Variants in CSMD2 observed in about 807,000 individuals in gnomAD.
The protein encoded by CSMD2 is CUB and sushi domain-containing protein 2.
In CSMD2, 130 loss-of-function variants were observed where a neutral mutation model predicts 398.5. The observed-to-expected ratio is 0.33, with a 90% confidence interval of 0.28 to 0.38. The LOEUF (loss-of-function observed/expected upper bound fraction) is 0.38, where lower values mean the gene tolerates loss of function less well. Among genes scored for constraint, CSMD2 ranks in the 10% least tolerant of loss-of-function variants. The probability of loss-of-function intolerance (pLI) is 1.00; values close to 1 mark genes in which losing one functional copy is unlikely to be tolerated. For missense variants in CSMD2, 3,829 were observed against 4,764.9 expected (o/e 0.80, Z 5.78); for synonymous variants, 1,828 against 1,908.5 (o/e 0.96, Z 1.10).
rs1408801295 is a variant in CSMD2, at chr1:33,765,089, CAT to C, written c.1846+7478_1846+7479del. ...AAAGACGGAAGTAGGCGAACAAAAACATGTGTCTGGATATGAGGGCTGTGTAT... is the reference window on the plus strand; with the variant it reads ...AAAGACGGAAGTAGGCGAACAAAAACGTGTCTGGATATGAGGGCTGTGTAT... On this transcript the variant is annotated intron_variant, in intron 13 of 70. Transcript: ENST00000373381. 2.6e-5 allele frequency among the ~76,000 whole-genome samples: 4 copies of C among 152,298 alleles called. No homozygotes were observed. In the East Asian group the frequency reaches 7.7e-4, roughly 29 times the overall value.
Position 33,992,945 on chromosome 1 carries a change from T to C in CSMD2, c.517+39649A>G, listed in dbSNP as rs1363550198. ...CCATAGATCCACCAGGAAGAATGAA[T>C]ATGAATAGAGAAAGAGCTCTAAAGA... On this transcript the variant is annotated intron_variant, in intron 3 of 70. Transcript: ENST00000373381. Among the ~76,000 whole-genome samples the C allele has an allele frequency of 1.3e-5, 2 of 149,472 alleles. 1 individual carries two copies. Among genetic ancestry groups the C allele is most frequent in the Admixed American group, 1.3e-4 (2 of 15,088 alleles).
intron 2 of CSMD2, among the ~76,000 whole-genome samples, chr1:34,075,390 T>C (rs1248397977): frequency 6.6e-6 from 1 of 152,232 alleles, no homozygotes; most frequent in Non-Finnish European, 1.5e-5. Flanking sequence ...TGGGGGCCTC[T>C]GCTGTGATAC....
At chr1:33,547,494 G>A (rs1200329785) in intron 56 of CSMD2, among the ~76,000 whole-genome samples, 2 of 152,230 alleles carry the variant, frequency 1.3e-5, no homozygotes, top group Admixed American at 6.5e-5. Flanking sequence ...CTAGTTGGCT[G>A]GAGCCAATAA....
chr1:34,008,666 T>C (rs1190283803), intron 3 of CSMD2, among the ~76,000 whole-genome samples: 1 of 152,206 alleles, frequency 6.6e-6, no homozygotes, highest in African/African-American at 2.4e-5. Context: ...TCTAATAAAG[T>C]TGGAGCTTTG....
intron 5 of CSMD2, among the ~76,000 whole-genome samples, chr1:33,874,445 T>C (rs920079816): frequency 1.3e-5 from 2 of 152,246 alleles, no homozygotes; most frequent in African/African-American, 4.8e-5. Flanking sequence ...ATGAGAAGCA[T>C]GTTTTTTCTT....
chr1:34,073,198 C>T (rs1163232019), intron 2 of CSMD2, among the ~76,000 whole-genome samples: 2 of 152,236 alleles, frequency 1.3e-5, no homozygotes, highest in Non-Finnish European at 2.9e-5. Context: ...CAGCTCCTAC[C>T]AACAGGTTTG....
intron 7 of CSMD2, among the ~76,000 whole-genome samples, chr1:33,821,701 G>T (rs1031618803): frequency 1.3e-5 from 2 of 152,208 alleles, no homozygotes; most frequent in African/African-American, 2.4e-5. Context: ...ATGGAAATGC[G>T]AAAGGTAGTC....
At chr1:33,759,492 A>AT (rs1649535313) in intron 13 of CSMD2, among the ~76,000 whole-genome samples, 1 of 151,336 alleles carries the variant, frequency 6.6e-6, no homozygotes, top group Non-Finnish European at 1.5e-5. Context: ...TGCCCGGCTA[A>AT]TTTTTTGTAT....
chr1:33,952,147 C>A (rs1360866675), intron 3 of CSMD2, among the ~76,000 whole-genome samples: 1 of 152,172 alleles, frequency 6.6e-6, no homozygotes, highest in Non-Finnish European at 1.5e-5. Flanking sequence ...GACCAAGAGG[C>A]TGTGATGACC....
At position 33,636,291 on chromosome 1, in the gene CSMD2, C is replaced by A; in HGVS notation, c.4969+69G>T. On this transcript the variant is annotated intron_variant, in intron 30 of 70. Transcript: ENST00000373381. This position sits in a 1 kb window ranked among gnomAD's most constrained non-coding sequence, Gnocchi z 4.8. ...ACCTTGCCCCCCTCCCTTCCCCAGC[C>A]CACAGCACCCTCTGCCCCTGGCATG... 1.4e-6 allele frequency: 2 copies of A among 1,462,874 alleles called. No individual in the cohort carries two copies. Among genetic ancestry groups the A allele is most frequent in the Non-Finnish European group, 1.8e-6 (2 of 1,083,788 alleles). The allele number at this position is 1,462,874 out of a possible 1,614,324, so 90.6% of individuals were successfully genotyped here.
intron 39 of CSMD2, 102 bp downstream of exon 39, chr1:33,616,804 A>G: frequency 1.1e-6 from 1 of 879,922 alleles, no homozygotes; most frequent in Non-Finnish European, 1.8e-6. Context: ...CAGAATATCA[A>G]ACTTTCTTCT....
At position 33,583,657 on chromosome 1, in the gene CSMD2, A is replaced by G. The variant is rs1276066531; in HGVS notation, c.7225T>C (p.Phe2409Leu). The change falls in exon 47 of 71, where the codon TTT becomes CTT. Residue 2409 changes from phenylalanine (F) to leucine (L), a missense_variant. Coordinates refer to ENST00000373381, the MANE Select transcript of CSMD2 (RefSeq NM_001281956.2). The part of the protein sequence containing the change: ...YFLSEKQYDE[F>L]EIFDGPSGQS... ...ACTGACTTACCATCAAAAATCTCAAACTCATCATATTGCTTCTCGCTGAGG... is the reference window on the plus strand; with the variant it reads ...ACTGACTTACCATCAAAAATCTCAAGCTCATCATATTGCTTCTCGCTGAGG... 1 of 1,613,938 alleles carries G rather than the reference A, an allele frequency of 6.2e-7. No individual in the cohort carries two copies. The highest frequency in any genetic ancestry group is 1.3e-5 in the African/African-American group (1 of 74,994).
In CSMD2 at chr1:33,519,995, T is replaced by C. The variant is rs1432020657; in HGVS notation, c.10598-45A>G. On this transcript the variant is annotated intron_variant, in intron 68 of 70. Coordinates refer to ENST00000373381, the MANE Select transcript of CSMD2 (RefSeq NM_001281956.2). The surrounding 1 kb of genome is among the most constrained non-coding windows in gnomAD (Gnocchi z 5.6). ...AAAAGTCAAGTCACGAGACACAGTC[T>C]GAGGCTCCGTTGGCTACCCTCCCCG... 2 of 1,608,524 alleles carry C rather than the reference T, an allele frequency of 1.2e-6. No individual in the cohort carries two copies. Among genetic ancestry groups the C allele is most frequent in the Non-Finnish European group, 1.7e-6 (2 of 1,175,896 alleles).
chr1:33,519,062 G>A lies in CSMD2; in HGVS notation c.*53+403C>T, dbSNP rs1654012129. Among the ~76,000 whole-genome samples, 1 of 152,004 alleles carries A rather than the reference G, an allele frequency of 6.6e-6. No individual in the cohort carries two copies. Among genetic ancestry groups the A allele is most frequent in the South Asian group, 2.1e-4 (1 of 4,822 alleles). On this transcript the variant is annotated intron_variant, in intron 70 of 70. Transcript: ENST00000373381. This position sits in a 1 kb window ranked among gnomAD's most constrained non-coding sequence, Gnocchi z 5.6. ...ACCCAGAGGATGTATATATCCAGTT[G>A]GTTCTGTTTCTCTAGAGAGAAACAG...
intron 2 of CSMD2, among the ~76,000 whole-genome samples, chr1:34,087,564 C>G (rs989531395): frequency 2.5e-4 from 38 of 150,792 alleles, no homozygotes; most frequent in Admixed American, 2.3e-3. Flanking sequence ...ACATGTATAC[C>G]TATGTAACAA....
chr1:33,612,716 C>G (rs1159216389), intron 40 of CSMD2, among the ~76,000 whole-genome samples: 1 of 138,450 alleles, frequency 7.2e-6, no homozygotes, highest in African/African-American at 2.7e-5. Flanking sequence ...GAGTCTTGTT[C>G]GGTCGCCCGG....
intron 3 of CSMD2, among the ~76,000 whole-genome samples, chr1:34,002,710 T>C (rs993804525): frequency 1.3e-5 from 2 of 152,154 alleles, no homozygotes; most frequent in Admixed American, 6.5e-5. Flanking sequence ...TCAGGCAGAG[T>C]TGTTGTGAAA....
intron 49 of CSMD2, among the ~76,000 whole-genome samples, chr1:33,575,361 G>A (rs1659973890): frequency 1.3e-5 from 2 of 152,174 alleles, no homozygotes; most frequent in African/African-American, 2.4e-5. Context: ...GTAGGAGGTG[G>A]GTGGAGGGGG....
chr1:33,946,345 A>T (rs563320169), intron 3 of CSMD2, among the ~76,000 whole-genome samples: 2 of 152,342 alleles, frequency 1.3e-5, no homozygotes, highest in Non-Finnish European at 2.9e-5. Context: ...AAAATAAAAC[A>T]ACAATAGCAA....
Sources: allele counts gnomAD v4.1 joint callset (sites outside exome capture counted in the v4.1 genomes callset), GRCh38; gene constraint gnomAD v4.1.1; non-coding constraint Gnocchi (gnomAD v3.1); transcripts MANE v1.5; gene names NCBI Gene and HGNC (gene_info 2026-07-23, HGNC 2026-07-21).